The following GPC5 variants were observed in gnomAD, a reference collection of about 807,000 sequenced individuals.
The protein encoded by GPC5 is glypican-5.
Under a neutral mutation model 53.9 loss-of-function variants are expected in GPC5, and 47 were observed. That is an observed-to-expected ratio of 0.87 (90% confidence interval 0.69 to 1.11). The LOEUF (loss-of-function observed/expected upper bound fraction) is 1.11, where lower values mean the gene tolerates loss of function less well. Among genes scored for constraint, GPC5 ranks in the 50% most tolerant of loss-of-function variants. GPC5 has a pLI of 0.00. For synonymous variants in GPC5, 286 were observed against 263.3 expected (o/e 1.09, Z -0.84); for missense variants, 748 against 713.1 (o/e 1.05, Z -0.56).
chr13:92,405,664 T>C (rs750016592), intron 7 of GPC5, among the ~76,000 whole-genome samples: 1 of 152,198 alleles, frequency 6.6e-6, no homozygotes, highest in Non-Finnish European at 1.5e-5. Flanking sequence ...TATTCTACAT[T>C]ATATCTTATT....
At chr13:92,859,067 C>A (rs1189265314) in intron 7 of GPC5, among the ~76,000 whole-genome samples, 3 of 151,916 alleles carry the variant, frequency 2.0e-5, no homozygotes, top group Non-Finnish European at 4.4e-5. Context: ...AAGCAAAACC[C>A]CCATCTCTAC....
chr13:92,598,221 G>C (rs556010682), intron 7 of GPC5, among the ~76,000 whole-genome samples: 5 of 152,302 alleles, frequency 3.3e-5, no homozygotes, highest in African/African-American at 1.2e-4. Context: ...TCAAGGAGCT[G>C]TATTTATAAT....
chr13:92,146,056 A>G (rs751349616), intron 7 of GPC5, among the ~76,000 whole-genome samples: 12 of 152,196 alleles, frequency 7.9e-5, no homozygotes, highest in Non-Finnish European at 1.8e-4. Flanking sequence ...GGCAGTTAAC[A>G]TAATGAAATG....
intron 2 of GPC5, among the ~76,000 whole-genome samples, chr13:91,557,237 T>C (rs940079410): frequency 6.6e-6 from 1 of 152,162 alleles, no homozygotes; most frequent in Non-Finnish European, 1.5e-5. Flanking sequence ...TTTTTCACTT[T>C]GGCTGTTCTG....
At chr13:91,499,628 G>A (rs561192170) in intron 2 of GPC5, among the ~76,000 whole-genome samples, 4 of 152,218 alleles carry the variant, frequency 2.6e-5, no homozygotes. Flanking sequence ...TGTAAATCAC[G>A]ATGGCAATGA....
chr13:91,983,746 T>C (rs2040382147), intron 6 of GPC5, among the ~76,000 whole-genome samples: 2 of 152,280 alleles, frequency 1.3e-5, no homozygotes, highest in South Asian at 2.1e-4. Flanking sequence ...TATAAAGTCA[T>C]GTTACTACCT....
intron 6 of GPC5, among the ~76,000 whole-genome samples, chr13:91,990,662 G>T (rs189525728): frequency 1.6e-3 from 246 of 152,296 alleles, no homozygotes; most frequent in African/African-American, 5.8e-3. Context: ...AAGTGCCGAT[G>T]AGTTGGTGCT....
intron 7 of GPC5, among the ~76,000 whole-genome samples, chr13:92,555,752 C>T (rs1882472543): frequency 6.7e-6 from 1 of 148,938 alleles, no homozygotes; most frequent in Non-Finnish European, 1.5e-5. Flanking sequence ...TACATTAATA[C>T]AGTAGATATA....
chr13:92,732,676 A>T lies in GPC5; in HGVS notation c.1562-133606A>T, dbSNP rs1184762108. On this transcript the variant is annotated intron_variant, in intron 7 of 7. Transcript: ENST00000377067. ...GTCAGATCCAGACAATTCCTTGAAG[A>T]TAATTCACATCTTAAGGAATGAAAG... is the stretch of plus-strand genomic sequence containing the variant. Among the ~76,000 whole-genome samples the T allele has an allele frequency of 4.0e-5, 6 of 151,738 alleles. No homozygotes were observed. The Admixed American group carries it at 4.0e-4, about 10-fold the overall frequency.
chr13:91,565,723 CTT>C (rs2031497688), intron 2 of GPC5, among the ~76,000 whole-genome samples: 1 of 152,156 alleles, frequency 6.6e-6, no homozygotes, highest in Admixed American at 6.6e-5. Flanking sequence ...TTTTGAAAGA[CTT>C]TATTCATTTC....
At chr13:91,831,033 A>C (rs1190326610) in intron 5 of GPC5, among the ~76,000 whole-genome samples, 2 of 138,428 alleles carry the variant, frequency 1.4e-5, no homozygotes, top group Non-Finnish European at 3.0e-5. Context: ...TATATATCCT[A>C]TTATATATAT....
chr13:92,645,592 A>T (rs1213489053), intron 7 of GPC5, among the ~76,000 whole-genome samples: 2 of 152,196 alleles, frequency 1.3e-5, no homozygotes, highest in African/African-American at 4.8e-5. Context: ...ATGAATTTAT[A>T]ACATAAAGTG....
intron 7 of GPC5, among the ~76,000 whole-genome samples, chr13:92,513,343 TATA>T (rs1259913933): frequency 1.3e-5 from 2 of 152,194 alleles, no homozygotes; most frequent in Non-Finnish European, 2.9e-5. Flanking sequence ...AAAGTGAATT[TATA>T]ATAATGAACA....
At chr13:91,957,777 A>G (rs1190439291) in intron 6 of GPC5, among the ~76,000 whole-genome samples, 1 of 152,098 alleles carries the variant, frequency 6.6e-6, no homozygotes, top group Non-Finnish European at 1.5e-5. Context: ...GACTAGCCCT[A>G]TAAGAAATAT....
Position 91,572,063 on chromosome 13 carries a change from A to ATGTT in GPC5, c.326-121121_326-121120insTTGT, listed in dbSNP as rs1177720739. 2.5e-4 allele frequency among the ~76,000 whole-genome samples: 32 copies of ATGTT among 129,814 alleles called. 3 individuals are homozygous for ATGTT. The highest frequency in any genetic ancestry group is 1.2e-3 in the African/African-American group (31 of 24,942). 85.2% of individuals were successfully genotyped at this position (129,814 alleles called of 152,430 possible). ...TATATACACACATATGTATATATAC[A>ATGTT]TGTATATACACACATATGTATATGT... On this transcript the variant is annotated intron_variant, in intron 2 of 7. Transcript: ENST00000377067.
At chr13:92,285,434 T>A (rs1479058727) in intron 7 of GPC5, among the ~76,000 whole-genome samples, 1 of 152,068 alleles carries the variant, frequency 6.6e-6, no homozygotes, top group East Asian at 1.9e-4. Context: ...CATTGCCAAC[T>A]CAATCCTAAG....
At chr13:92,807,209 C>A (rs771280754) in intron 7 of GPC5, among the ~76,000 whole-genome samples, 19 of 152,028 alleles carry the variant, frequency 1.2e-4, no homozygotes, top group South Asian at 2.1e-4. Flanking sequence ...TAACTTTGTG[C>A]AACAGTGGAG....
At chr13:92,346,554 G>A (rs2043414186) in intron 7 of GPC5, among the ~76,000 whole-genome samples, 1 of 152,126 alleles carries the variant, frequency 6.6e-6, no homozygotes, top group East Asian at 1.9e-4. Flanking sequence ...TAAATAGCAA[G>A]GGTCTATTCC....
At chr13:92,312,459 G>A (rs1285466610) in intron 7 of GPC5, among the ~76,000 whole-genome samples, 1 of 151,992 alleles carries the variant, frequency 6.6e-6, no homozygotes, top group African/African-American at 2.4e-5. Flanking sequence ...AATAATGAAA[G>A]GAGGTTGATT....
Sources: gnomAD v4.1 joint callset for allele counts (sites outside exome capture counted in the v4.1 genomes callset) on GRCh38, gnomAD v4.1.1 for gene constraint, MANE v1.5 for transcripts, NCBI Gene and HGNC (gene_info 2026-07-23, HGNC 2026-07-21) for gene names.